The following UMAD1 variants were observed in gnomAD, a reference collection of about 807,000 sequenced individuals.
The protein encoded by UMAD1 is UBAP1-MVB12-associated (UMA) domain containing 1, also known as UBAP1-MVB12-associated (UMA)-domain containing protein 1.
A neutral mutation model predicts 6.1 loss-of-function variants in UMAD1; 8 were observed. That is an observed-to-expected ratio of 1.30 (90% CI 0.76 to 2.35). UMAD1 has a LOEUF of 2.35. Ranked by LOEUF, UMAD1 falls within the 30% of genes most tolerant of loss-of-function variation. UMAD1 has a pLI of 0.00. For synonymous variants in UMAD1, 56 were observed against 31.4 expected, an observed-to-expected ratio of 1.78 and a Z score of -2.61; for missense variants, 130 against 78.4, an observed-to-expected ratio of 1.66 and a Z score of -2.49.
intron 3 of UMAD1, among the ~76,000 whole-genome samples, chr7:7,837,366 G>T (rs562219756): frequency 7.1e-4 from 108 of 152,216 alleles, no homozygotes; most frequent in African/African-American, 2.6e-3. Context: ...CTACAAGAGG[G>T]AATGACGAAC....
At chr7:7,685,428 G>C (rs1780021686) in intron 2 of UMAD1, among the ~76,000 whole-genome samples, 1 of 151,598 alleles carries the variant, frequency 6.6e-6, no homozygotes, top group Non-Finnish European at 1.5e-5. Context: ...TCCTGCCTCA[G>C]CCTTCCGAGT....
rs1397393833 is a variant in UMAD1 at position 7,722,832 on chromosome 7, G to C, written c.82+49379G>C. Among the ~76,000 whole-genome samples the C allele has an allele frequency of 6.6e-5, 10 of 152,308 alleles. 1 individual carries two copies. The highest frequency in any genetic ancestry group is 6.2e-4 in the South Asian group (3 of 4,830). On this transcript the variant is annotated intron_variant, in intron 2 of 3. Coordinates refer to ENST00000682710, the MANE Select transcript of UMAD1 (RefSeq NM_001302348.2). ...ATTGATTGGAAAAGAATGGGACCCT[G>C]CAACTTGGAATGGGGACGTGTGGGA...
chr7:7,758,300 G>A (rs1039252030), intron 2 of UMAD1, among the ~76,000 whole-genome samples: 1 of 152,012 alleles, frequency 6.6e-6, no homozygotes, highest in African/African-American at 2.4e-5. Flanking sequence ...TATCCCAGTG[G>A]TCTTGAATCA....
At chr7:7,826,133 A>G (rs1386631576) in intron 3 of UMAD1, among the ~76,000 whole-genome samples, 1 of 152,138 alleles carries the variant, frequency 6.6e-6, no homozygotes, top group African/African-American at 2.4e-5. Flanking sequence ...GGCTGACTGT[A>G]TGTACATGGA....
At chr7:7,705,311 A>C (rs1780570478) in intron 2 of UMAD1, among the ~76,000 whole-genome samples, 1 of 152,252 alleles carries the variant, frequency 6.6e-6, no homozygotes, top group Non-Finnish European at 1.5e-5. Context: ...CTTATAAAAA[A>C]ATAGAATCTT....
In UMAD1 at chr7:7,830,974, A is replaced by T. The variant is rs1783453983; in HGVS notation, c.156+29231A>T. ...ATTATAAAAAATATACCAGTCCTTA[A>T]AATATGTATTTTATTGATAAAAATC... On this transcript the variant is annotated intron_variant, in intron 3 of 3. Transcript: ENST00000682710. This position sits in a 1 kb window ranked among gnomAD's most constrained non-coding sequence, Gnocchi z 5.3. Among the ~76,000 whole-genome samples the T allele has an allele frequency of 6.6e-6, 1 of 152,166 alleles. No individual in the cohort carries two copies. The highest frequency in any genetic ancestry group is 2.4e-5 in the African/African-American group (1 of 41,446).
chr7:7,831,055 ATATACT>A (rs1348670597), intron 3 of UMAD1, among the ~76,000 whole-genome samples: 3 of 152,202 alleles, frequency 2.0e-5, no homozygotes, highest in South Asian at 4.1e-4. Context: ...AATACTAATG[ATATACT>A]TATGCATTTA....
At chr7:7,710,175 T>A (rs952353742) in intron 2 of UMAD1, among the ~76,000 whole-genome samples, 3 of 152,210 alleles carry the variant, frequency 2.0e-5, no homozygotes, top group African/African-American at 7.2e-5. Context: ...CCACAATTTA[T>A]ATATCTGTTC....
intron 2 of UMAD1, among the ~76,000 whole-genome samples, chr7:7,728,257 A>G (rs979108529): frequency 2.6e-5 from 4 of 152,138 alleles, no homozygotes; most frequent in Admixed American, 2.0e-4. Context: ...ACCTGGGAAA[A>G]TCCTGGTTCT....
chr7:7,650,460 G>A (rs1306483800), intron 1 of UMAD1, among the ~76,000 whole-genome samples: 1 of 152,104 alleles, frequency 6.6e-6, no homozygotes, highest in Non-Finnish European at 1.5e-5. Context: ...TGTAATGTCT[G>A]CTTTGTTTTA....
intron 3 of UMAD1, among the ~76,000 whole-genome samples, chr7:7,806,939 C>T (rs1782927752): frequency 6.6e-6 from 1 of 152,080 alleles, no homozygotes; most frequent in African/African-American, 2.4e-5. Flanking sequence ...TTCTAAGAAC[C>T]TTTGGAGAAG....
At chr7:7,775,650 A>G (rs1225534927) in intron 2 of UMAD1, among the ~76,000 whole-genome samples, 3 of 152,212 alleles carry the variant, frequency 2.0e-5, no homozygotes, top group East Asian at 3.8e-4. Context: ...AAGACTGACC[A>G]TACCAAATGT....
At chr7:7,805,549 A>C (rs1782896137) in intron 3 of UMAD1, among the ~76,000 whole-genome samples, 1 of 146,440 alleles carries the variant, frequency 6.8e-6, no homozygotes, top group Non-Finnish European at 1.5e-5. Flanking sequence ...AGCAGACAGA[A>C]ATATGTCAGA....
At chr7:7,731,448 AAAAAGGAAAAGG>A (rs67132863) in intron 2 of UMAD1, among the ~76,000 whole-genome samples, 1 of 147,608 alleles carries the variant, frequency 6.8e-6, no homozygotes, top group African/African-American at 2.5e-5. Context: ...AGTGAGGAAG[AAAAAGGAAAAGG>A]AAAAGGAAAA....
At chr7:7,752,176 T>C (rs57502740) in intron 2 of UMAD1, among the ~76,000 whole-genome samples, 10,467 of 152,218 alleles carry the variant, frequency 0.069, 451 homozygotes, top group Middle Eastern at 0.13. Flanking sequence ...TAAGTAGAAA[T>C]TATTTGATAT....
chr7:7,717,841 A>G lies in UMAD1; in HGVS notation c.82+44388A>G, dbSNP rs1583770803. Among the ~76,000 whole-genome samples, 4 of 152,316 alleles carry G rather than the reference A, an allele frequency of 2.6e-5. No individual in the cohort carries two copies. The East Asian group carries it at 7.7e-4, about 29-fold the overall frequency. On this transcript the variant is annotated intron_variant, in intron 2 of 3. Coordinates refer to ENST00000682710, the MANE Select transcript of UMAD1 (RefSeq NM_001302348.2). The stretch of plus-strand genomic sequence containing the variant: ...ATCTTACCATCACCTTTTATGCTTA[A>G]GTTTATGATTGGCCATAATTATCAA...
At chr7:7,678,699 T>G in intron 2 of UMAD1, among the ~76,000 whole-genome samples, 1 of 86,382 alleles carries the variant, frequency 1.2e-5, no homozygotes, top group Admixed American at 1.2e-4. Context: ...TTTATAAATA[T>G]ATATTTATAT....
At chr7:7,756,219 T>G (rs941823090) in intron 2 of UMAD1, among the ~76,000 whole-genome samples, 1 of 152,140 alleles carries the variant, frequency 6.6e-6, no homozygotes, top group African/African-American at 2.4e-5. Context: ...CCACCCCAGT[T>G]TGGAGTTATC....
At chr7:7,791,672 A>C (rs957134097) in intron 2 of UMAD1, among the ~76,000 whole-genome samples, 1 of 152,220 alleles carries the variant, frequency 6.6e-6, no homozygotes. Flanking sequence ...AACTAAGGAC[A>C]TCAGTGAAGC....
Sources: allele counts gnomAD v4.1 joint callset (sites outside exome capture counted in the v4.1 genomes callset), GRCh38; gene constraint gnomAD v4.1.1; non-coding constraint Gnocchi (gnomAD v3.1); transcripts MANE v1.5; gene names NCBI Gene and HGNC (gene_info 2026-07-23, HGNC 2026-07-21).